UEVLD: variants seen among roughly 807,000 people sequenced by gnomAD.
UEVLD encodes the protein UEV and lactate/malate dehyrogenase domains, also known as ubiquitin-conjugating enzyme E2 variant 3.
UEVLD carries 47 observed loss-of-function variants against 58.6 expected under a neutral mutation model. The ratio of observed to expected loss-of-function variants is 0.80; its 90% CI spans 0.63 to 1.02. The LOEUF is 1.02. Ranked by LOEUF, UEVLD falls within the 50% of genes least tolerant of loss-of-function variation. UEVLD has a pLI of 0.00. For synonymous variants in UEVLD, 197 were observed against 195.3 expected, an observed-to-expected ratio of 1.01 and a Z score of -0.07; for missense variants, 510 against 550.6, an observed-to-expected ratio of 0.93 and a Z score of 0.74.
At chr11:18,558,745 T>G (rs1851870814) in intron 6 of UEVLD, among the ~76,000 whole-genome samples, 1 of 148,380 alleles carries the variant, frequency 6.7e-6, no homozygotes, top group African/African-American at 2.5e-5. Flanking sequence ...ATTGTGTCAC[T>G]GCACTCCAGC....
At chr11:18,580,785 T>C (rs962727601) in intron 1 of UEVLD, among the ~76,000 whole-genome samples, 3 of 152,016 alleles carry the variant, frequency 2.0e-5, no homozygotes, top group South Asian at 4.2e-4. Flanking sequence ...AAACCTAGGA[T>C]TGTGGGAGTT....
intron 7 of UEVLD, among the ~76,000 whole-genome samples, chr11:18,552,999 C>T (rs1282254356): frequency 1.3e-5 from 2 of 151,666 alleles, no homozygotes; most frequent in African/African-American, 4.8e-5. Flanking sequence ...ACTAAAAATA[C>T]AAAAAGTTAG....
intron 7 of UEVLD, among the ~76,000 whole-genome samples, chr11:18,557,729 A>G (rs559785723): frequency 9.9e-5 from 15 of 152,044 alleles, no homozygotes; most frequent in Non-Finnish European, 2.2e-4. Context: ...ACACCCAGCT[A>G]AATTTTTTTT....
At chr11:18,588,575 C>T (rs1421908290) in intron 1 of UEVLD, 38 bp downstream of exon 1, 3 of 1,606,268 alleles carry the variant, frequency 1.9e-6, no homozygotes, top group East Asian at 4.5e-5. Context: ...CCCCGCAAGA[C>T]CCTGAGGACC....
At chr11:18,575,592 T>TAAGTAAGGAAATGACCC (rs1852866647) in intron 2 of UEVLD, among the ~76,000 whole-genome samples, 180 bp from the exon 3 acceptor site, 1 of 152,162 alleles carries the variant, frequency 6.6e-6, no homozygotes, top group Non-Finnish European at 1.5e-5. Context: ...CTAGATGTTG[T>TAAGTAAGGAAATGACCC]TTACTTAGAA....
chr11:18,585,094 T>C (rs932070829), intron 1 of UEVLD, among the ~76,000 whole-genome samples: 2 of 152,210 alleles, frequency 1.3e-5, no homozygotes, highest in Admixed American at 6.5e-5. Flanking sequence ...TCTTGCCATA[T>C]TGTTCAGGCT....
Position 18,588,682 on chromosome 11 carries a change from A to G in UEVLD, c.-28T>C. The G allele has an allele frequency of 6.2e-7, 1 of 1,605,310 alleles. No homozygotes were observed. The highest frequency in any genetic ancestry group is 8.5e-7 in the Non-Finnish European group (1 of 1,179,158). On this transcript the variant is annotated 5_prime_UTR_variant, in exon 1 of 12. Coordinates refer to ENST00000396197, the MANE Select transcript of UEVLD (RefSeq NM_001040697.4). ...CCAGGCCGGTCCCGAGCTAGGTCCC[A>G]GGACTCCAGCCCCCGGACCTTCTTC...
chr11:18,587,155 T>G (rs1853617600), intron 1 of UEVLD, among the ~76,000 whole-genome samples: 1 of 152,216 alleles, frequency 6.6e-6, no homozygotes, highest in Non-Finnish European at 1.5e-5. Context: ...GTCTCTCTTC[T>G]TTTCCTTCAT....
At chr11:18,561,810 G>C (rs12049909) in intron 6 of UEVLD, among the ~76,000 whole-genome samples, 26,697 of 145,966 alleles carry the variant, frequency 0.18, 2,759 homozygotes, top group East Asian at 0.41. Context: ...CCAGCCTGGG[G>C]AACAGGGCGA....
intron 9 of UEVLD, among the ~76,000 whole-genome samples, chr11:18,538,396 C>T (rs1850905391): frequency 6.6e-6 from 1 of 151,932 alleles, no homozygotes; most frequent in South Asian, 2.1e-4. Flanking sequence ...ATTGCCTCAG[C>T]CTCCCAAGTA....
chr11:18,547,328 C>T (rs1298136117), intron 7 of UEVLD, among the ~76,000 whole-genome samples: 4 of 152,138 alleles, frequency 2.6e-5, no homozygotes, highest in Admixed American at 2.6e-4. Context: ...GAGTTCAAGA[C>T]CAGCCTGCCC....
chr11:18,559,341 G>C (rs187953930), intron 6 of UEVLD, among the ~76,000 whole-genome samples: 256 of 152,232 alleles, frequency 1.7e-3, no homozygotes, highest in Non-Finnish European at 2.8e-3. Context: ...TGGGATTACA[G>C]GCGTGCACCA....
chr11:18,575,338 C>T lies in UEVLD; in HGVS notation c.193+9G>A, dbSNP rs2134051270. On this transcript the variant is annotated intron_variant, in intron 3 of 11. Coordinates refer to ENST00000396197, the MANE Select transcript of UEVLD (RefSeq NM_001040697.4). The stretch of plus-strand genomic sequence containing the variant: ...AAAACTCACACATTTTTTCAACTTC[C>T]ACACTTACCCTGATACATCACAGGA... 6.3e-7 allele frequency: 1 copy of T among 1,594,852 alleles called. No homozygotes were observed. The highest frequency in any genetic ancestry group is 2.2e-5 in the East Asian group (1 of 44,734).
At chr11:18,560,602 G>A (rs545012490) in intron 6 of UEVLD, among the ~76,000 whole-genome samples, 2 of 152,198 alleles carry the variant, frequency 1.3e-5, no homozygotes, top group African/African-American at 2.4e-5. Flanking sequence ...ACAACAAAAC[G>A]TTCATCAGTA....
At chr11:18,577,747 C>T (rs1244753138) in intron 2 of UEVLD, among the ~76,000 whole-genome samples, 1 of 151,840 alleles carries the variant, frequency 6.6e-6, no homozygotes, top group East Asian at 1.9e-4. Flanking sequence ...TGGTGGGTGC[C>T]TGTAATCCCA....
intron 1 of UEVLD, among the ~76,000 whole-genome samples, chr11:18,579,126 C>G (rs1240166417): frequency 1.3e-5 from 2 of 151,990 alleles, no homozygotes; most frequent in Non-Finnish European, 2.9e-5. Context: ...CTCGGCCTCC[C>G]AAAGTGCTGT....
At chr11:18,552,590 G>A (rs533414088) in intron 7 of UEVLD, among the ~76,000 whole-genome samples, 170 of 151,774 alleles carry the variant, frequency 1.1e-3, no homozygotes, top group Admixed American at 2.0e-3. Context: ...GGCTGGTCAC[G>A]GTGGCTCACG....
chr11:18,532,131 A>T lies in UEVLD; in HGVS notation c.*189T>A. The T allele has an allele frequency of 2.2e-6, 1 of 445,104 alleles. No individual in the cohort carries two copies. Among genetic ancestry groups the T allele is most frequent in the Non-Finnish European group, 3.8e-6 (1 of 262,668 alleles). The allele number at this position is 445,104 out of a possible 1,614,324, so 27.6% of individuals were successfully genotyped here. ...ATCTCAAGAACCCCAAATAAAATTA[A>T]TTTTTCCCCTCCTTGTATAACTCCT... On this transcript the variant is annotated 3_prime_UTR_variant, in exon 12 of 12. Coordinates refer to ENST00000396197, the MANE Select transcript of UEVLD (RefSeq NM_001040697.4).
intron 7 of UEVLD, among the ~76,000 whole-genome samples, chr11:18,554,814 C>A (rs1458182402): frequency 1.3e-5 from 2 of 152,048 alleles, no homozygotes; most frequent in African/African-American, 4.8e-5. Flanking sequence ...TATCCCTCCC[C>A]AAAATGTTAT....
Sources: allele counts gnomAD v4.1 joint callset (sites outside exome capture counted in the v4.1 genomes callset), GRCh38; gene constraint gnomAD v4.1.1; transcripts MANE v1.5; gene names NCBI Gene and HGNC (gene_info 2026-07-23, HGNC 2026-07-21).